The following CLYBL variants were observed in gnomAD, a reference collection of about 807,000 sequenced individuals.
The protein encoded by CLYBL is citramalyl-CoA lyase, also known as citramalyl-CoA lyase, mitochondrial.
Under a neutral mutation model 38.9 loss-of-function variants are expected in CLYBL, and 31 were observed. The ratio of observed to expected loss-of-function variants is 0.80; its 90% CI spans 0.60 to 1.08. The LOEUF is 1.08. Ranked by LOEUF, CLYBL falls within the 50% of genes least tolerant of loss-of-function variation. The pLI, the probability that CLYBL is intolerant of heterozygous loss-of-function variation, is 0.00. For missense variants in CLYBL, 434 were observed against 411.6 expected, an observed-to-expected ratio of 1.05 and a Z score of -0.47; for synonymous variants, 171 against 158.6, an observed-to-expected ratio of 1.08 and a Z score of -0.59.
At chr13:99,870,330 A>G (rs964298903) in intron 6 of CLYBL, among the ~76,000 whole-genome samples, 2 of 152,094 alleles carry the variant, frequency 1.3e-5, no homozygotes, top group African/African-American at 4.8e-5. Context: ...TTCAAATCCA[A>G]TTTTCTATTG....
Position 99,754,902 on chromosome 13 carries a change from CTT to C in CLYBL, c.63-17910_63-17909del, listed in dbSNP as rs371004687. On this transcript the variant is annotated intron_variant, in intron 1 of 8. Coordinates refer to ENST00000339105, the MANE Select transcript of CLYBL (RefSeq NM_206808.5). ...CCACCCCACCCAGCCTAGATGATCTCTTTTTTTTTTTTTGAGACGGAGTCTCA... is the reference window on the plus strand; with the variant it reads ...CCACCCCACCCAGCCTAGATGATCTCTTTTTTTTTTTGAGACGGAGTCTCA... Among the ~76,000 whole-genome samples, 877 of 135,966 alleles carry C rather than the reference CTT, an allele frequency of 6.5e-3. 6 individuals carry two copies. The highest frequency in any genetic ancestry group is 0.024 in the African/African-American group (836 of 35,000). 89.2% of individuals were successfully genotyped at this position (135,966 alleles called of 152,430 possible). A position where few individuals can be genotyped will look rare whatever the true frequency, so the allele number is the denominator to read the frequency against.
At chr13:99,709,591 C>G (rs1293737810) in intron 1 of CLYBL, among the ~76,000 whole-genome samples, 2 of 152,216 alleles carry the variant, frequency 1.3e-5, no homozygotes, top group Admixed American at 1.3e-4. Context: ...CTGTTTCATT[C>G]CTGTGTCTCT....
chr13:99,708,633 A>G (rs1417903471), intron 1 of CLYBL, among the ~76,000 whole-genome samples: 1 of 152,174 alleles, frequency 6.6e-6, no homozygotes, highest in Non-Finnish European at 1.5e-5. Flanking sequence ...TAGATGAGAC[A>G]TTCATTCATA....
chr13:99,762,742 G>C (rs1329530312), intron 1 of CLYBL, among the ~76,000 whole-genome samples: 1 of 152,136 alleles, frequency 6.6e-6, no homozygotes, highest in Non-Finnish European at 1.5e-5. Flanking sequence ...CATTGAATTT[G>C]TAAACTGCTT....
chr13:99,651,989 G>A (rs1349846710), intron 1 of CLYBL, among the ~76,000 whole-genome samples: 1 of 152,200 alleles, frequency 6.6e-6, no homozygotes. Context: ...GCTTTGGCAA[G>A]AGGGGGTTTT....
intron 7 of CLYBL, among the ~76,000 whole-genome samples, chr13:99,880,064 A>ATTT (rs1489881415): frequency 8.1e-5 from 5 of 61,898 alleles, no homozygotes; most frequent in African/African-American, 2.1e-4. Context: ...ATATATATAT[A>ATTT]TATATTTTTT....
intron 1 of CLYBL, among the ~76,000 whole-genome samples, chr13:99,618,443 T>C (rs1224285182): frequency 1.3e-5 from 2 of 152,140 alleles, no homozygotes; most frequent in East Asian, 1.9e-4. Flanking sequence ...TAATTTTTTG[T>C]ATTTTTAGTA....
At chr13:99,610,663 G>T (rs2046612479) in intron 1 of CLYBL, among the ~76,000 whole-genome samples, 1 of 152,156 alleles carries the variant, frequency 6.6e-6, no homozygotes, top group Admixed American at 6.5e-5. Flanking sequence ...AGTTTGTCCT[G>T]CTTCCACAGA....
intron 1 of CLYBL, among the ~76,000 whole-genome samples, chr13:99,655,956 G>A (rs1355652913): frequency 3.3e-5 from 5 of 152,164 alleles, no homozygotes; most frequent in Non-Finnish European, 1.5e-5. Flanking sequence ...AGTCTGGTTC[G>A]CAGGTGCGGT....
rs1449468346 is a variant in CLYBL, at chr13:99,672,200, T to C, written c.62+65443T>C. Among the ~76,000 whole-genome samples, 6 of 150,180 alleles carry C rather than the reference T, an allele frequency of 4.0e-5. 1 individual carries two copies. Among genetic ancestry groups the C allele is most frequent in the Non-Finnish European group, 3.0e-5 (2 of 67,490 alleles). The stretch of plus-strand genomic sequence containing the variant: ...TTTCTTCGGGAATTTCTTTTTTTTT[T>C]TCTTTTTTTTTTTTTTGAGACAGAG... On this transcript the variant is annotated intron_variant, in intron 1 of 8. Transcript: ENST00000339105.
chr13:99,796,612 C>T (rs1235507607), intron 2 of CLYBL, among the ~76,000 whole-genome samples: 3 of 152,176 alleles, frequency 2.0e-5, no homozygotes, highest in Non-Finnish European at 4.4e-5. Context: ...CCCAAGGTCA[C>T]ACAGCTAATA....
intron 2 of CLYBL, among the ~76,000 whole-genome samples, chr13:99,823,509 A>C (rs1393665942): frequency 6.6e-6 from 1 of 152,228 alleles, no homozygotes; most frequent in Non-Finnish European, 1.5e-5. Flanking sequence ...TGATCTCTAT[A>C]GTTTTGCCTT....
intron 1 of CLYBL, among the ~76,000 whole-genome samples, chr13:99,643,838 T>C (rs1427576845): frequency 6.6e-6 from 1 of 151,888 alleles, no homozygotes; most frequent in African/African-American, 2.4e-5. Context: ...AAACCCCGTC[T>C]CCACTAAAAA....
At chr13:99,880,063 TA>T (rs1227260983) in intron 7 of CLYBL, among the ~76,000 whole-genome samples, 66 of 63,320 alleles carry the variant, frequency 1.0e-3, no homozygotes, top group African/African-American at 3.0e-3. Context: ...TATATATATA[TA>T]TATATTTTTT....
At chr13:99,809,956 C>T (rs919261950) in intron 2 of CLYBL, among the ~76,000 whole-genome samples, 4 of 152,208 alleles carry the variant, frequency 2.6e-5, no homozygotes, top group African/African-American at 9.7e-5. Flanking sequence ...TAGCTCAAAA[C>T]GCTCAAGAAT....
chr13:99,825,562 G>A (rs1300351372), intron 2 of CLYBL, among the ~76,000 whole-genome samples: 2 of 152,130 alleles, frequency 1.3e-5, no homozygotes, highest in Non-Finnish European at 2.9e-5. Flanking sequence ...ATGAAGGGAA[G>A]GATTTAGAAT....
chr13:99,746,152 G>A (rs538383172), intron 1 of CLYBL, among the ~76,000 whole-genome samples: 14 of 151,992 alleles, frequency 9.2e-5, no homozygotes, highest in Non-Finnish European at 2.9e-5. Context: ...CAGTCTTGGG[G>A]GAGATGCATT....
chr13:99,618,000 A>G (rs990952699), intron 1 of CLYBL, among the ~76,000 whole-genome samples: 10 of 151,874 alleles, frequency 6.6e-5, no homozygotes, highest in South Asian at 2.1e-4. Context: ...ATTTTTTCCT[A>G]TTGCCCCATT....
intron 1 of CLYBL, among the ~76,000 whole-genome samples, chr13:99,702,538 A>C (rs1163286477): frequency 6.6e-6 from 1 of 151,312 alleles, no homozygotes; most frequent in East Asian, 2.0e-4. Flanking sequence ...AGGCTGAGGC[A>C]GGAGAGTCGC....
Sources: allele counts gnomAD v4.1 joint callset (sites outside exome capture counted in the v4.1 genomes callset), GRCh38; gene constraint gnomAD v4.1.1; transcripts MANE v1.5; gene names NCBI Gene and HGNC (gene_info 2026-07-23, HGNC 2026-07-21).